Variants in ZWILCH observed in about 807,000 individuals in gnomAD.
ZWILCH encodes the protein zwilch kinetochore protein, also known as protein zwilch homolog.
A neutral mutation model predicts 79.9 loss-of-function variants in ZWILCH; 74 were observed. The observed-to-expected ratio is 0.93, with a 90% CI of 0.77 to 1.12. The LOEUF is 1.12. ZWILCH is among the 50% of genes most tolerant of loss of function. The pLI, the probability that ZWILCH is intolerant of heterozygous loss-of-function variation, is 0.00. For synonymous variants in ZWILCH, 241 were observed against 228.2 expected, an observed-to-expected ratio of 1.06 and a Z score of -0.51; for missense variants, 694 against 687.5, an observed-to-expected ratio of 1.01 and a Z score of -0.11.
At chr15:66,514,220 C>A in intron 3 of ZWILCH, 137 bp downstream of exon 3, 1 of 490,348 alleles carries the variant, frequency 2.0e-6, no homozygotes, top group Non-Finnish European at 3.6e-6. Flanking sequence ...AAGTGTAGTG[C>A]TGTCCAGTAC....
intron 5 of ZWILCH, among the ~76,000 whole-genome samples, chr15:66,519,499 G>A (rs1894411788): frequency 6.6e-6 from 1 of 152,188 alleles, no homozygotes; most frequent in Admixed American, 6.5e-5. Flanking sequence ...CTGTCGCCCA[G>A]GTGGGAGTGC....
chr15:66,514,539 G>T (rs1303156184), intron 3 of ZWILCH: 1 of 153,576 alleles, frequency 6.5e-6, no homozygotes, highest in Non-Finnish European at 1.4e-5. Context: ...TCAATCTTCT[G>T]ACATCGTGAT....
At chr15:66,529,229 A>G (rs1317270122) in intron 11 of ZWILCH, among the ~76,000 whole-genome samples, 1 of 152,176 alleles carries the variant, frequency 6.6e-6, no homozygotes, top group Non-Finnish European at 1.5e-5. Flanking sequence ...CATATACCTT[A>G]CTGAAATTAT....
At chr15:66,546,546 G>A in intron 17 of ZWILCH, 45 bp from the exon 18 acceptor site, 1 of 1,365,858 alleles carries the variant, frequency 7.3e-7, no homozygotes. Flanking sequence ...TGGTAGAAAA[G>A]CAGGGTGTTA....
At chr15:66,527,420 T>G in intron 9 of ZWILCH, 37 bp downstream of exon 9, 1 of 1,475,034 alleles carries the variant, frequency 6.8e-7, no homozygotes, top group Non-Finnish European at 9.5e-7. Flanking sequence ...AATTTATACT[T>G]GCTATGTTTA....
Position 66,540,194 on chromosome 15 carries a change from G to A in ZWILCH, c.1671G>A (p.Leu557=), listed in dbSNP as rs1389006631. 6.2e-7 allele frequency: 1 copy of A among 1,610,248 alleles called. No homozygotes were observed. Among genetic ancestry groups the A allele is most frequent in the Non-Finnish European group, 8.5e-7 (1 of 1,177,966 alleles). Residue 557 remains leucine (L), a synonymous_variant, in exon 17 of 19, where the codon CTG becomes CTA. Coordinates refer to ENST00000307897, the MANE Select transcript of ZWILCH (RefSeq NM_017975.5). ...QLSDSSPIDH[L]NFHKPDFSEL... ...GTGACAGCTCACCCATAGACCATCT[G>A]AATTTTCACAAACCTGGTAAAGATG...
Position 66,528,948 on chromosome 15 carries a change from A to G in ZWILCH, c.1066A>G (p.Met356Val), listed in dbSNP as rs1420986529. The change falls in exon 11 of 19, where the codon ATG becomes GTG. Residue 356 changes from methionine (M) to valine (V), a missense_variant. Met to Val is a conservative substitution (Grantham distance 21). Transcript: ENST00000307897. ...TTTTGCTGAGCAACTGTGGTGCAAA[A>G]TGAGCAGTAGTAGGTGTCCATCATG... ...LDFAEQLWCKMSSSVISYQDL... is the reference protein window; with the variant it reads ...LDFAEQLWCKVSSSVISYQDL... 1.9e-6 allele frequency: 3 copies of G among 1,613,452 alleles called. No individual in the cohort carries two copies. Among genetic ancestry groups the G allele is most frequent in the Non-Finnish European group, 1.7e-6 (2 of 1,179,380 alleles).
rs1334125484 is a variant in ZWILCH, at chr15:66,549,388, A to C, written c.*1064A>C. 6.6e-6 allele frequency: 1 copy of C among 152,238 alleles called. No homozygotes were observed. The highest frequency in any genetic ancestry group is 2.4e-5 in the African/African-American group (1 of 41,468). The allele number at this position is 152,238 out of a possible 1,614,324, so 9.4% of individuals were successfully genotyped here. A position where few individuals can be genotyped will look rare whatever the true frequency, so the allele number is the denominator to read the frequency against. ...GGTAAGATTTGGTCTCGCACCTTCC[A>C]TCTTTGCTACCACATTAAAGATGAG... On this transcript the variant is annotated 3_prime_UTR_variant, in exon 19 of 19. Transcript: ENST00000307897.
In ZWILCH at chr15:66,505,356, C is replaced by T. The variant is rs749004706; in HGVS notation, c.18C>T (p.Asn6=). The T allele has an allele frequency of 1.1e-5, 18 of 1,614,104 alleles. No homozygotes were observed. Among genetic ancestry groups the T allele is most frequent in the Non-Finnish European group, 1.5e-5 (18 of 1,180,034 alleles). The part of the protein sequence containing the change: MWERL[N]CAAEDFYSRL... ...GGGGCGGGATGTGGGAGCGGCTGAA[C>T]TGCGCAGCAGAGGACTTTTATTCTC... Residue 6 remains asparagine, a synonymous_variant, in exon 1 of 19, where the codon AAC becomes AAT. Coordinates refer to ENST00000307897, the MANE Select transcript of ZWILCH (RefSeq NM_017975.5).
intron 8 of ZWILCH, among the ~76,000 whole-genome samples, chr15:66,525,135 G>A (rs76862891): frequency 0.012 from 1,800 of 152,236 alleles, 64 homozygotes; most frequent in East Asian, 0.074. Context: ...TGGTCCCATC[G>A]TTCCTTCAAT....
chr15:66,545,993 A>G (rs1050895297), intron 17 of ZWILCH, among the ~76,000 whole-genome samples: 3 of 152,200 alleles, frequency 2.0e-5, no homozygotes, highest in Admixed American at 1.3e-4. Flanking sequence ...TTTAGCCACC[A>G]TGGAAAGAGA....
rs1895040610 is a variant in ZWILCH at position 66,537,169 on chromosome 15, A to C, written c.1480A>C (p.Ile494Leu). Reference protein sequence around the residue: ...QHELLFSLTQICIKYYKQNPL... With the variant: ...QHELLFSLTQLCIKYYKQNPL... Reference sequence around the variant, plus strand: ...AGAGGTTCCATTTTGTTTTTTCAGGATCTGCATAAAGTATTACAAACAAAA... The same window carrying C: ...AGAGGTTCCATTTTGTTTTTTCAGGCTCTGCATAAAGTATTACAAACAAAA... The change falls in exon 16 of 19, where the codon ATC becomes CTC. Residue 494 changes from isoleucine to leucine, a missense_variant and splice_region_variant. Coordinates refer to ENST00000307897, the MANE Select transcript of ZWILCH (RefSeq NM_017975.5). The C allele has an allele frequency of 1.2e-6, 2 of 1,611,208 alleles. No individual in the cohort carries two copies. The highest frequency in any genetic ancestry group is 1.7e-6 in the Non-Finnish European group (2 of 1,178,998).
At chr15:66,511,001 A>G (rs1283152435) in intron 2 of ZWILCH, among the ~76,000 whole-genome samples, 1 of 152,188 alleles carries the variant, frequency 6.6e-6, no homozygotes, top group Non-Finnish European at 1.5e-5. Context: ...TTAGACCTTC[A>G]AGATACCATT....
At chr15:66,519,174 A>C in intron 5 of ZWILCH, 96 bp downstream of exon 5, 1 of 1,217,522 alleles carries the variant, frequency 8.2e-7, no homozygotes. Flanking sequence ...GTTATGATGA[A>C]AGTGCACAAG....
intron 11 of ZWILCH, 30 bp downstream of exon 11, chr15:66,528,987 C>G (rs987839225): frequency 6.4e-7 from 1 of 1,562,096 alleles, no homozygotes; most frequent in Non-Finnish European, 8.8e-7. Flanking sequence ...TAAATTTTTC[C>G]TCTTATTTCT....
In ZWILCH at chr15:66,521,069, C is replaced by T. The variant is rs530554607; in HGVS notation, c.611C>T (p.Ala204Val). 3 of 1,614,098 alleles carry T rather than the reference C, an allele frequency of 1.9e-6. 1 individual carries two copies. The South Asian group carries it at 3.3e-5, about 18-fold the overall frequency. ...TTTCAGGTAACATCCAAAGGCTTTG[C>T]CCAGTATGAGCTCTTTAAGTCCTCT... ...HLSTVTSKGF[A>V]QYELFKSSAL... is the part of the protein sequence containing the mutation. The change falls in exon 7 of 19, where the codon GCC (alanine) becomes GTC (valine). Residue 204 changes from alanine (A) to valine (V), a missense_variant. Physicochemically the swap from Ala to Val is moderately conservative, Grantham distance 64. Transcript: ENST00000307897.
At chr15:66,511,907 A>G (rs887568474) in intron 2 of ZWILCH, among the ~76,000 whole-genome samples, 1 of 152,090 alleles carries the variant, frequency 6.6e-6, no homozygotes, top group African/African-American at 2.4e-5. Context: ...GAGCCACTGC[A>G]CCCAGCCGTG....
chr15:66,547,029 A>T (rs1167716449), intron 18 of ZWILCH: 1 of 153,836 alleles, frequency 6.5e-6, no homozygotes, highest in East Asian at 1.9e-4. Flanking sequence ...GCAAGAGAAA[A>T]ACCCTGAACA....
At chr15:66,536,539 A>G (rs1351929807) in intron 15 of ZWILCH, among the ~76,000 whole-genome samples, 1 of 152,194 alleles carries the variant, frequency 6.6e-6, no homozygotes, top group African/African-American at 2.4e-5. Context: ...TTATTTGGAA[A>G]AATTCTCAGA....
Sources: gnomAD v4.1 joint callset for allele counts (sites outside exome capture counted in the v4.1 genomes callset) on GRCh38, gnomAD v4.1.1 for gene constraint, MANE v1.5 for transcripts, NCBI Gene and HGNC (gene_info 2026-07-23, HGNC 2026-07-21) for gene names.